The following PCLO variants were observed in gnomAD, a reference collection of about 807,000 sequenced individuals.
PCLO encodes the protein protein piccolo.
Under a neutral mutation model 427.5 loss-of-function variants are expected in PCLO, and 82 were observed. That is an observed-to-expected ratio of 0.19 (90% CI 0.16 to 0.23). The LOEUF (loss-of-function observed/expected upper bound fraction) is 0.23, where lower values mean the gene tolerates loss of function less well. Among genes scored for constraint, PCLO ranks in the 10% least tolerant of loss-of-function variants. The probability of loss-of-function intolerance (pLI) is 1.00; values close to 1 mark genes in which losing one functional copy is unlikely to be tolerated. For synonymous variants in PCLO, 2,357 were observed against 2,155.4 expected, an observed-to-expected ratio of 1.09 and a Z score of -2.59; for missense variants, 6,239 against 6,115.9, an observed-to-expected ratio of 1.02 and a Z score of -0.67.
rs1183615505 is a variant in PCLO, at chr7:82,865,061, TTAAA to T, written c.13654+14272_13654+14275del. Among the ~76,000 whole-genome samples, 5 of 152,170 alleles carry T rather than the reference TTAAA, an allele frequency of 3.3e-5. 1 individual carries two copies. The highest frequency in any genetic ancestry group is 1.3e-4 in the Admixed American group (2 of 15,264). On this transcript the variant is annotated intron_variant, in intron 10 of 24. Coordinates refer to ENST00000333891, the MANE Select transcript of PCLO (RefSeq NM_033026.6). ...TGATATTGATACAGCCATAATTTTC[TTAAA>T]TAAAGAAGTATTACAGAATGATTTT...
At chr7:83,151,913 T>C (rs1792140017) in intron 2 of PCLO, among the ~76,000 whole-genome samples, 1 of 152,108 alleles carries the variant, frequency 6.6e-6, no homozygotes, top group Non-Finnish European at 1.5e-5. Context: ...GGAAGTTTAA[T>C]TTTAATAAAA....
At position 82,755,291 on chromosome 7, in the gene PCLO, T is replaced by C. The variant is rs1483135159; in HGVS notation, c.*3284A>G. ...TTAAAATATGGGCAATATTAAAGAG[T>C]AAAGATAACTGATGCCCCTTAGTCT... On this transcript the variant is annotated 3_prime_UTR_variant, in exon 25 of 25. Coordinates refer to ENST00000333891, the MANE Select transcript of PCLO (RefSeq NM_033026.6). 1 of 152,056 alleles carries C rather than the reference T, an allele frequency of 6.6e-6. No individual in the cohort carries two copies. The highest frequency in any genetic ancestry group is 2.4e-5 in the African/African-American group (1 of 41,410). The allele number at this position is 152,056 out of a possible 1,614,324, so 9.4% of individuals were successfully genotyped here.
intron 3 of PCLO, among the ~76,000 whole-genome samples, chr7:83,099,391 GTTT>G (rs11363474): frequency 7.2e-4 from 104 of 143,838 alleles, no homozygotes; most frequent in Non-Finnish European, 1.0e-3. Flanking sequence ...AGATTTTTTT[GTTT>G]TTTTTTTTTT....
chr7:82,905,327 T>G (rs1794160772), intron 8 of PCLO, among the ~76,000 whole-genome samples: 1 of 152,048 alleles, frequency 6.6e-6, no homozygotes, highest in African/African-American at 2.4e-5. Flanking sequence ...TTGAGCCCTT[T>G]ACTTCACACA....
intron 3 of PCLO, among the ~76,000 whole-genome samples, chr7:83,132,825 T>C (rs1211679520): frequency 2.6e-5 from 4 of 152,046 alleles, no homozygotes; most frequent in African/African-American, 9.7e-5. Flanking sequence ...ATATATAAAA[T>C]AAATACAATT....
intron 3 of PCLO, among the ~76,000 whole-genome samples, chr7:83,106,930 A>T (rs1403453185): frequency 6.7e-6 from 1 of 150,044 alleles, no homozygotes; most frequent in African/African-American, 2.5e-5. Context: ...TATTTAATCA[A>T]TATGATCTAA....
intron 6 of PCLO, among the ~76,000 whole-genome samples, chr7:82,926,074 G>GA (rs1371449024): frequency 6.6e-6 from 1 of 151,922 alleles, no homozygotes; most frequent in African/African-American, 2.4e-5. Flanking sequence ...TGTGAATAAG[G>GA]AAATTCTAAA....
At chr7:82,814,476 C>CA (rs1791635677) in intron 20 of PCLO, among the ~76,000 whole-genome samples, 1 of 150,498 alleles carries the variant, frequency 6.6e-6, no homozygotes, top group African/African-American at 2.4e-5. Flanking sequence ...TTAAACACTT[C>CA]AACATAATTT....
At chr7:82,774,181 C>T (rs1790702047) in intron 22 of PCLO, among the ~76,000 whole-genome samples, 1 of 152,086 alleles carries the variant, frequency 6.6e-6, no homozygotes, top group Admixed American at 6.6e-5. Flanking sequence ...TTTTAACTAC[C>T]CTCTTGAACA....
intron 7 of PCLO, 86 bp downstream of exon 7, chr7:82,914,600 A>G (rs1416013915): frequency 1.5e-6 from 2 of 1,295,706 alleles, no homozygotes; most frequent in South Asian, 2.5e-5. Context: ...AAAGTAGGAT[A>G]CATCTCTGGA....
chr7:83,147,337 T>A (rs1347595252), intron 2 of PCLO, among the ~76,000 whole-genome samples: 1 of 152,210 alleles, frequency 6.6e-6, no homozygotes, highest in Non-Finnish European at 1.5e-5. Context: ...GTAAATTCAT[T>A]TTGTTATAAT....
intron 3 of PCLO, among the ~76,000 whole-genome samples, chr7:83,106,167 C>T (rs952480773): frequency 6.6e-6 from 1 of 152,164 alleles, no homozygotes; most frequent in Admixed American, 6.5e-5. Flanking sequence ...GTGAATCCTA[C>T]ACTGCCACAT....
chr7:82,890,371 T>G (rs1793729137), intron 9 of PCLO, among the ~76,000 whole-genome samples: 1 of 152,190 alleles, frequency 6.6e-6, no homozygotes, highest in East Asian at 1.9e-4. Context: ...CATTGTTTCA[T>G]GTACATTAGT....
chr7:82,961,226 G>A (rs1795649574), intron 4 of PCLO, among the ~76,000 whole-genome samples: 2 of 152,166 alleles, frequency 1.3e-5, no homozygotes, highest in South Asian at 4.1e-4. Flanking sequence ...GGGAACAGAA[G>A]GGCAGACTCA....
chr7:82,996,219 A>C, intron 3 of PCLO, among the ~76,000 whole-genome samples: 1 of 151,962 alleles, frequency 6.6e-6, no homozygotes, highest in Non-Finnish European at 1.5e-5. Flanking sequence ...AATAGTAGCT[A>C]ATTATAAATG....
At chr7:82,801,641 G>A (rs1385110156) in intron 21 of PCLO, 50 bp from the exon 22 acceptor site, 10 of 1,070,554 alleles carry the variant, frequency 9.3e-6, no homozygotes, top group Non-Finnish European at 1.4e-5. Context: ...TCTCATGAAT[G>A]CAAAAGAGGC....
intron 3 of PCLO, among the ~76,000 whole-genome samples, chr7:83,124,946 C>T (rs942460646): frequency 1.5e-4 from 23 of 152,244 alleles, no homozygotes; most frequent in East Asian, 7.8e-4. Flanking sequence ...GGTGGAGACG[C>T]GGTTTCGCCG....
chr7:83,015,119 G>A (rs115638129), intron 3 of PCLO, among the ~76,000 whole-genome samples: 1,721 of 152,064 alleles, frequency 0.011, 31 homozygotes, highest in African/African-American at 0.039. Flanking sequence ...GATAAGATTC[G>A]GACCTAGGTA....
At chr7:82,917,031 C>A (rs979740184) in intron 6 of PCLO, among the ~76,000 whole-genome samples, 158 bp from the exon 7 acceptor site, 2 of 151,924 alleles carry the variant, frequency 1.3e-5, no homozygotes, top group African/African-American at 4.8e-5. Flanking sequence ...AAGTATTGGT[C>A]ACAAATACAA....
Sources: allele counts gnomAD v4.1 joint callset (sites outside exome capture counted in the v4.1 genomes callset), GRCh38; gene constraint gnomAD v4.1.1; transcripts MANE v1.5; gene names NCBI Gene and HGNC (gene_info 2026-07-23, HGNC 2026-07-21).